Variants in IQCM observed in about 807,000 individuals in gnomAD.
The protein encoded by IQCM is IQ domain-containing protein M.
In IQCM, 45 loss-of-function variants were observed where a neutral mutation model predicts 57.6. The observed-to-expected ratio is 0.78, with a 90% CI of 0.62 to 1.00. The LOEUF (loss-of-function observed/expected upper bound fraction) is 1.00. Ranked by LOEUF, IQCM falls within the 50% of genes least tolerant of loss-of-function variation. IQCM has a pLI of 0.00. For missense variants in IQCM, 468 were observed against 511.6 expected (o/e 0.91, Z 0.82); for synonymous variants, 148 against 158.9 (o/e 0.93, Z 0.51).
At chr4:149,390,610 G>A (rs1252793321) in intron 13 of IQCM, among the ~76,000 whole-genome samples, 1 of 151,806 alleles carries the variant, frequency 6.6e-6, no homozygotes, top group African/African-American at 2.4e-5. Context: ...TACATTCTCA[G>A]TTTGTTGAGG....
At chr4:149,696,142 A>G (rs1038020127) in intron 5 of IQCM, among the ~76,000 whole-genome samples, 2 of 152,034 alleles carry the variant, frequency 1.3e-5, no homozygotes, top group Non-Finnish European at 2.9e-5. Context: ...TTTCGTCGCT[A>G]CACTCCCAAT....
chr4:149,764,515 C>G (rs559264452), intron 2 of IQCM, among the ~76,000 whole-genome samples: 1 of 152,294 alleles, frequency 6.6e-6, no homozygotes, highest in South Asian at 2.1e-4. Context: ...CCATACATCT[C>G]TCTCTTGTGA....
intron 2 of IQCM, among the ~76,000 whole-genome samples, chr4:149,775,156 T>C (rs1188215330): frequency 6.6e-6 from 1 of 151,824 alleles, no homozygotes; most frequent in Non-Finnish European, 1.5e-5. Context: ...ATCCTACCCC[T>C]AAATTCAAGG....
chr4:149,754,455 CAGAGGG>C (rs1273475185), intron 2 of IQCM, among the ~76,000 whole-genome samples: 2 of 152,208 alleles, frequency 1.3e-5, no homozygotes, highest in African/African-American at 4.8e-5. Flanking sequence ...TCCTCCATGT[CAGAGGG>C]TCTTTCTGGG....
chr4:149,455,870 G>A (rs185650257), intron 12 of IQCM, among the ~76,000 whole-genome samples: 3 of 151,894 alleles, frequency 2.0e-5, no homozygotes, highest in Admixed American at 2.0e-4. Context: ...AGCTACTAGG[G>A]AGATTGAGGC....
At chr4:149,775,020 TTTTC>T (rs1477117561) in intron 2 of IQCM, among the ~76,000 whole-genome samples, 1 of 146,920 alleles carries the variant, frequency 6.8e-6, no homozygotes, top group Non-Finnish European at 1.5e-5. Flanking sequence ...AAGCCCACAT[TTTTC>T]TTGAGTTCTT....
chr4:149,730,012 A>G (rs1326449757), intron 5 of IQCM, among the ~76,000 whole-genome samples: 1 of 152,162 alleles, frequency 6.6e-6, no homozygotes, highest in Admixed American at 6.5e-5. Context: ...CTTAATAATG[A>G]ATTTCCCAAC....
intron 12 of IQCM, among the ~76,000 whole-genome samples, chr4:149,452,245 T>C (rs951586216): frequency 1.3e-5 from 2 of 151,550 alleles, no homozygotes; most frequent in Non-Finnish European, 3.0e-5. Flanking sequence ...AAATACTCAA[T>C]ATTGTTAAGA....
intron 2 of IQCM, among the ~76,000 whole-genome samples, chr4:149,747,856 G>A (rs1218735990): frequency 6.6e-6 from 1 of 152,128 alleles, no homozygotes; most frequent in East Asian, 1.9e-4. Context: ...CCAGAACCAG[G>A]AAGTGGGAAG....
At chr4:149,394,595 C>T (rs1329061774) in intron 13 of IQCM, among the ~76,000 whole-genome samples, 1 of 151,868 alleles carries the variant, frequency 6.6e-6, no homozygotes. Flanking sequence ...AACCAGATGT[C>T]TCGATTTCCC....
chr4:149,396,866 T>C (rs955551953), intron 13 of IQCM, among the ~76,000 whole-genome samples: 2 of 152,044 alleles, frequency 1.3e-5, no homozygotes, highest in Admixed American at 6.6e-5. Flanking sequence ...CAAGGTCTAT[T>C]CATGTTGTCA....
At chr4:149,694,858 C>A (rs1414897687) in intron 5 of IQCM, among the ~76,000 whole-genome samples, 1 of 152,050 alleles carries the variant, frequency 6.6e-6, no homozygotes, top group Admixed American at 6.5e-5. Context: ...CGTTTTCATT[C>A]GAACAATGAG....
At chr4:149,474,815 T>C (rs1740003473) in intron 12 of IQCM, among the ~76,000 whole-genome samples, 1 of 152,034 alleles carries the variant, frequency 6.6e-6, no homozygotes, top group Non-Finnish European at 1.5e-5. Context: ...ATGAAGTAGT[T>C]AGCTGGATGA....
At chr4:149,588,081 A>G (rs1346559546) in intron 8 of IQCM, 84 bp from the exon 9 acceptor site, 9 of 487,154 alleles carry the variant, frequency 1.8e-5, no homozygotes, top group Admixed American at 4.4e-5. Context: ...ACGTTCTGTT[A>G]TATTATCAAA....
intron 8 of IQCM, among the ~76,000 whole-genome samples, chr4:149,603,706 A>G (rs955837739): frequency 2.0e-5 from 3 of 152,054 alleles, no homozygotes; most frequent in Non-Finnish European, 4.4e-5. Context: ...CTGATTTCAG[A>G]GAAGAGGAAT....
intron 8 of IQCM, among the ~76,000 whole-genome samples, chr4:149,591,714 A>G (rs2134666): frequency 0.97 from 147,760 of 152,164 alleles, 71,897 homozygotes; most frequent in East Asian, 1. Context: ...TTGGTTTTCC[A>G]TCCTTGCGAT....
intron 13 of IQCM, among the ~76,000 whole-genome samples, chr4:149,414,821 A>T (rs997794487): frequency 7.9e-5 from 12 of 152,086 alleles, no homozygotes; most frequent in African/African-American, 2.9e-4. Context: ...TCAAATATAA[A>T]ATTTAATAGA....
At chr4:149,461,025 G>A (rs191438307) in intron 12 of IQCM, among the ~76,000 whole-genome samples, 19 of 152,012 alleles carry the variant, frequency 1.2e-4, no homozygotes, top group Admixed American at 9.2e-4. Context: ...ACCTGAGATC[G>A]GGAGTTCGAG....
At chr4:149,734,895 T>C (rs1766792819) in intron 4 of IQCM, among the ~76,000 whole-genome samples, 1 of 152,130 alleles carries the variant, frequency 6.6e-6, no homozygotes, top group Non-Finnish European at 1.5e-5. Flanking sequence ...AGATACAGCA[T>C]TCAAAAAATA....
Sources: allele counts gnomAD v4.1 joint callset (sites outside exome capture counted in the v4.1 genomes callset), GRCh38; gene constraint gnomAD v4.1.1; transcripts MANE v1.5; gene names NCBI Gene and HGNC (gene_info 2026-07-23, HGNC 2026-07-21).